The following TIA1 variants were observed in gnomAD, a reference collection of about 807,000 sequenced individuals.
TIA1 encodes TIA1 cytotoxic granule associated RNA binding protein, also known as cytotoxic granule associated RNA binding protein TIA1.
In TIA1, 23 loss-of-function variants were observed where a neutral mutation model predicts 65.9. The ratio of observed to expected loss-of-function variants is 0.35; its 90% CI spans 0.25 to 0.49. TIA1 has a LOEUF of 0.49. TIA1 is among the 20% of genes least tolerant of loss of function. The pLI is 0.98. For missense variants in TIA1, 371 were observed against 477.9 expected (o/e 0.78, Z 2.09); for synonymous variants, 147 against 149.4 (o/e 0.98, Z 0.12).
At chr2:70,221,626 T>A (rs377326376) in intron 7 of TIA1, among the ~76,000 whole-genome samples, 2 of 152,060 alleles carry the variant, frequency 1.3e-5, no homozygotes, top group African/African-American at 4.8e-5. Flanking sequence ...AGAAAGTAGA[T>A]TGACAATTGT....
At chr2:70,226,026 G>GT (rs1683628600) in intron 6 of TIA1, among the ~76,000 whole-genome samples, 1 of 151,910 alleles carries the variant, frequency 6.6e-6, no homozygotes, top group Non-Finnish European at 1.5e-5. Flanking sequence ...AAAAAATCAG[G>GT]AAAATATGCT....
chr2:70,244,682 A>C (rs189374125), intron 1 of TIA1, among the ~76,000 whole-genome samples: 1 of 151,834 alleles, frequency 6.6e-6, no homozygotes, highest in African/African-American at 2.4e-5. Context: ...ACAAATACAA[A>C]AAATTAGCCA....
intron 6 of TIA1, chr2:70,225,534 G>A: frequency 1.2e-6 from 1 of 822,668 alleles, no homozygotes; most frequent in Non-Finnish European, 1.6e-6. Flanking sequence ...ATGTCACAAT[G>A]CTTGCTCTCT....
At chr2:70,247,697 A>G (rs185646739) in intron 1 of TIA1, among the ~76,000 whole-genome samples, 1 of 152,354 alleles carries the variant, frequency 6.6e-6, no homozygotes, top group East Asian at 1.9e-4. Context: ...CATGTCAATC[A>G]CAACAGTAGT....
At chr2:70,225,101 A>AT (rs1166276494) in intron 6 of TIA1, 1 of 1,004,236 alleles carries the variant, frequency 1.0e-6, no homozygotes, top group Non-Finnish European at 1.2e-6. Flanking sequence ...AAACTATTTA[A>AT]TTTTTTCAGA....
chr2:70,236,810 G>A (rs570430494), intron 1 of TIA1, among the ~76,000 whole-genome samples: 44 of 152,092 alleles, frequency 2.9e-4, no homozygotes, highest in African/African-American at 8.0e-4. Context: ...TACAGTTTCT[G>A]TAGAGAAGGC....
intron 1 of TIA1, among the ~76,000 whole-genome samples, chr2:70,247,909 G>A (rs1695128297): frequency 2.0e-5 from 3 of 151,654 alleles, no homozygotes; most frequent in Admixed American, 1.3e-4. Context: ...CTGAAAATGA[G>A]TACAAGCACC....
At position 70,211,346 on chromosome 2, in the gene TIA1, C is replaced by G. The variant is rs947780430; in HGVS notation, c.*1373G>C. Reference sequence around the variant, plus strand: ...ATCGGGAACTCCAGGAAAACAGGTACCAAACGAATCAAAATAATGATTGCA... The same window carrying G: ...ATCGGGAACTCCAGGAAAACAGGTAGCAAACGAATCAAAATAATGATTGCA... On this transcript the variant is annotated 3_prime_UTR_variant, in exon 13 of 13. Transcript: ENST00000433529. The G allele has an allele frequency of 6.6e-6, 1 of 152,198 alleles. No individual in the cohort carries two copies. Among genetic ancestry groups the G allele is most frequent in the East Asian group, 1.9e-4 (1 of 5,180 alleles). The allele number at this position is 152,198 out of a possible 1,614,324, so 9.4% of individuals were successfully genotyped here.
At chr2:70,218,287 G>A (rs866071419) in intron 7 of TIA1, among the ~76,000 whole-genome samples, 14 of 152,226 alleles carry the variant, frequency 9.2e-5, no homozygotes, top group African/African-American at 3.1e-4. Flanking sequence ...GTATTGCAAA[G>A]TGTGTTAAGG....
Position 70,230,837 on chromosome 2 carries a change from G to A in TIA1, c.141C>T (p.Pro47=). ...GCTCATGAAACTCCACAAAACAATA[G>A]GGATCATTTCCAGCTGTCTGTGGGA... ...KMIMDTAGND[P]YCFVEFHEHR... Residue 47 remains proline, a synonymous_variant, in exon 3 of 13, where the codon CCC becomes CCT. Coordinates refer to ENST00000433529, the MANE Select transcript of TIA1 (RefSeq NM_022173.4). 6.2e-7 allele frequency: 1 copy of A among 1,611,252 alleles called. No individual in the cohort carries two copies. Among genetic ancestry groups the A allele is most frequent in the East Asian group, 2.2e-5 (1 of 44,720 alleles).
intron 1 of TIA1, among the ~76,000 whole-genome samples, chr2:70,240,942 T>C (rs1474168093): frequency 6.6e-6 from 1 of 151,676 alleles, no homozygotes; most frequent in Non-Finnish European, 1.5e-5. Flanking sequence ...AATGTTTAAA[T>C]GGATCCCGGA....
In TIA1 at chr2:70,225,127, CT is replaced by C. The variant is rs971016976; in HGVS notation, c.399-499del. The C allele has an allele frequency of 1.6e-4, 168 of 1,022,534 alleles. No individual in the cohort carries two copies. In the African/African-American group the frequency reaches 2.7e-3, roughly 17 times the overall value. The allele number at this position is 1,022,534 out of a possible 1,614,324, so 63.3% of individuals were successfully genotyped here. On this transcript the variant is annotated intron_variant, in intron 6 of 12. Coordinates refer to ENST00000433529, the MANE Select transcript of TIA1 (RefSeq NM_022173.4). ...TTTTTTCAGATCAATTTATACCCCC[CT>C]TTTTGTCTAAATTTTGAGAACTTGA...
intron 2 of TIA1, 148 bp from the exon 3 acceptor site, chr2:70,231,002 T>G: frequency 1.7e-6 from 1 of 578,230 alleles, no homozygotes; most frequent in East Asian, 3.3e-5. Context: ...AAGTAAATTT[T>G]AGATTTAAAA....
chr2:70,216,613 A>T, intron 8 of TIA1, 114 bp from the exon 9 acceptor site: 9 of 1,278,652 alleles, frequency 7.0e-6, no homozygotes, highest in Middle Eastern at 2.3e-4. Flanking sequence ...CAAAATGCTT[A>T]TATTACACAT....
At chr2:70,215,918 T>C (rs553776386) in intron 10 of TIA1, among the ~76,000 whole-genome samples, 4 of 152,100 alleles carry the variant, frequency 2.6e-5, no homozygotes, top group Non-Finnish European at 5.9e-5. Flanking sequence ...CGGCTAATTT[T>C]TATATTTTTG....
At chr2:70,226,738 C>T (rs1315075971) in intron 6 of TIA1, among the ~76,000 whole-genome samples, 1 of 152,036 alleles carries the variant, frequency 6.6e-6, no homozygotes, top group African/African-American at 2.4e-5. Flanking sequence ...GAAGGACAAT[C>T]AAGAAATGAA....
intron 7 of TIA1, among the ~76,000 whole-genome samples, chr2:70,224,063 G>A (rs532995361): frequency 6.6e-6 from 1 of 152,142 alleles, no homozygotes; most frequent in South Asian, 2.1e-4. Flanking sequence ...GACTACAGGC[G>A]CCTGCCACCA....
At chr2:70,216,147 T>A in intron 10 of TIA1, 61 bp downstream of exon 10, 1 of 1,265,988 alleles carries the variant, frequency 7.9e-7, no homozygotes, top group Non-Finnish European at 1.1e-6. Context: ...TATTTTTATT[T>A]ATTTTCTGGT....
At position 70,247,436 on chromosome 2, in the gene TIA1, C is replaced by G. The variant is rs568894269; in HGVS notation, c.26+969G>C. Among the ~76,000 whole-genome samples, 16 of 152,072 alleles carry G rather than the reference C, an allele frequency of 1.1e-4. No individual in the cohort carries two copies. In the South Asian group the frequency reaches 2.7e-3, roughly 26 times the overall value. On this transcript the variant is annotated intron_variant, in intron 1 of 12. Coordinates refer to ENST00000433529, the MANE Select transcript of TIA1 (RefSeq NM_022173.4). ...TGGAGCTCTCAAACTGCCAGTATTCCAAGAATATAAACAAAAAGCTATGTC... is the reference window on the plus strand; with the variant it reads ...TGGAGCTCTCAAACTGCCAGTATTCGAAGAATATAAACAAAAAGCTATGTC...
Sources: allele counts gnomAD v4.1 joint callset (sites outside exome capture counted in the v4.1 genomes callset), GRCh38; gene constraint gnomAD v4.1.1; transcripts MANE v1.5; gene names NCBI Gene and HGNC (gene_info 2026-07-23, HGNC 2026-07-21).